Variants in OR9Q1 observed in about 807,000 individuals in gnomAD.
OR9Q1 encodes olfactory receptor family 9 subfamily Q member 1, also known as olfactory receptor 9Q1.
For missense variants in OR9Q1, 374 were observed against 378.8 expected (o/e 0.99, Z 0.11); for synonymous variants, 153 against 148.6 (o/e 1.03, Z -0.22).
At chr11:58,053,614 T>A (rs1473483337) in intron 1 of OR9Q1, among the ~76,000 whole-genome samples, 11 of 104,004 alleles carry the variant, frequency 1.1e-4, no homozygotes, top group African/African-American at 3.2e-4. Context: ...AATTAAAAAA[T>A]ATATATATAT....
intron 2 of OR9Q1, among the ~76,000 whole-genome samples, chr11:58,101,013 A>G (rs1853778356): frequency 6.6e-6 from 1 of 152,110 alleles, no homozygotes; most frequent in African/African-American, 2.4e-5. Flanking sequence ...TCAGAACCTG[A>G]GAAGTGTAGT....
intron 2 of OR9Q1, among the ~76,000 whole-genome samples, chr11:58,142,818 T>C (rs1297673909): frequency 6.6e-6 from 1 of 152,080 alleles, no homozygotes. Flanking sequence ...GTTAATGAGT[T>C]TTGCAGGCTA....
At chr11:58,126,751 A>G (rs1854094080) in intron 2 of OR9Q1, among the ~76,000 whole-genome samples, 1 of 152,152 alleles carries the variant, frequency 6.6e-6, no homozygotes, top group South Asian at 2.1e-4. Flanking sequence ...CTGGAATGGT[A>G]TAGAAGGTAG....
rs1346242418 is a variant in OR9Q1, at chr11:58,053,468, G to A, written c.-92-2402G>A. 3.4e-4 allele frequency among the ~76,000 whole-genome samples: 42 copies of A among 124,166 alleles called. No homozygotes were observed. The South Asian group carries it at 9.3e-3, about 28-fold the overall frequency. 81.5% of individuals were successfully genotyped at this position (124,166 alleles called of 152,430 possible). A position where few individuals can be genotyped will look rare whatever the true frequency, so the allele number is the denominator to read the frequency against. ...TGTTGTGGGGTGGGGGGAGGGGGGA[G>A]GGATAGCATTAGGAGATATACCTAA... On this transcript the variant is annotated intron_variant, in intron 1 of 2. Transcript: ENST00000335397.
rs541100746 is a variant in OR9Q1 at position 58,123,930 on chromosome 11, C to A, written c.-14-55501C>A. 3.9e-4 allele frequency among the ~76,000 whole-genome samples: 60 copies of A among 152,182 alleles called. No individual in the cohort carries two copies. The South Asian group carries it at 0.012, about 31-fold the overall frequency. ...TGAGAGAGACTTAGTTGGACCATAT[C>A]CCTCTTGATATACCCTTGGAAAACT... On this transcript the variant is annotated intron_variant, in intron 2 of 2. Transcript: ENST00000335397.
chr11:58,056,742 A>G (rs1853332134), intron 2 of OR9Q1, among the ~76,000 whole-genome samples: 1 of 152,122 alleles, frequency 6.6e-6, no homozygotes, highest in South Asian at 2.1e-4. Flanking sequence ...ATTAGTTGCT[A>G]CTTTTCAAGA....
chr11:58,079,249 T>TA (rs1244661681), intron 2 of OR9Q1, among the ~76,000 whole-genome samples: 3 of 151,384 alleles, frequency 2.0e-5, no homozygotes, highest in Non-Finnish European at 3.0e-5. Flanking sequence ...TCTGAGTCTT[T>TA]TTTTTTTTTT....
intron 2 of OR9Q1, among the ~76,000 whole-genome samples, chr11:58,130,672 A>G (rs1854132668): frequency 6.6e-6 from 1 of 152,030 alleles, no homozygotes. Flanking sequence ...AAGAAGAAAA[A>G]TTAGCCAGGT....
chr11:58,091,472 C>G (rs1853683693), intron 2 of OR9Q1, among the ~76,000 whole-genome samples: 1 of 152,072 alleles, frequency 6.6e-6, no homozygotes, highest in South Asian at 2.1e-4. Flanking sequence ...TTTTCTTAAT[C>G]CTGAGTTCTA....
chr11:58,153,502 T>C (rs975028678), intron 2 of OR9Q1, among the ~76,000 whole-genome samples: 8 of 151,622 alleles, frequency 5.3e-5, no homozygotes, highest in South Asian at 2.1e-4. Context: ...TCATGCTCTA[T>C]AGGAGCAATG....
At chr11:58,135,013 C>T (rs1376135257) in intron 2 of OR9Q1, among the ~76,000 whole-genome samples, 5 of 152,288 alleles carry the variant, frequency 3.3e-5, no homozygotes, top group Admixed American at 6.5e-5. Context: ...TTGTTGAACA[C>T]TCAATATGTC....
At chr11:58,164,799 G>T (rs1854486462) in intron 2 of OR9Q1, among the ~76,000 whole-genome samples, 1 of 152,154 alleles carries the variant, frequency 6.6e-6, no homozygotes, top group Non-Finnish European at 1.5e-5. Flanking sequence ...TCGCATGCTT[G>T]TTTTTTCTGC....
chr11:58,098,394 A>T (rs1414745005), intron 2 of OR9Q1, among the ~76,000 whole-genome samples: 2 of 152,196 alleles, frequency 1.3e-5, no homozygotes, highest in Non-Finnish European at 2.9e-5. Context: ...TGCTAGTTAC[A>T]ATATCTCATA....
rs549355196 is a variant in OR9Q1 at position 58,177,785 on chromosome 11, C to T, written c.-14-1646C>T. Among the ~76,000 whole-genome samples the T allele has an allele frequency of 1.8e-4, 27 of 152,320 alleles. No homozygotes were observed. In the East Asian group the frequency reaches 3.1e-3, roughly 17 times the overall value. On this transcript the variant is annotated intron_variant, in intron 2 of 2. Transcript: ENST00000335397. ...GCACATTTCCCTTTGCAAGGTGCCT[C>T]ATATATTATTTGGTAACTTTATTCC...
At chr11:58,148,579 A>G (rs948381037) in intron 2 of OR9Q1, among the ~76,000 whole-genome samples, 1 of 152,152 alleles carries the variant, frequency 6.6e-6, no homozygotes, top group African/African-American at 2.4e-5. Context: ...CACCATCCCC[A>G]TGGTTCTCCC....
At chr11:58,095,514 G>A (rs1275964819) in intron 2 of OR9Q1, among the ~76,000 whole-genome samples, 1 of 152,220 alleles carries the variant, frequency 6.6e-6, no homozygotes, top group African/African-American at 2.4e-5. Flanking sequence ...AGTTCTGCAT[G>A]GCTGGGGAGG....
chr11:58,087,727 CCT>C (rs1206669979), intron 2 of OR9Q1, among the ~76,000 whole-genome samples: 2 of 151,630 alleles, frequency 1.3e-5, no homozygotes, highest in Non-Finnish European at 2.9e-5. Flanking sequence ...CCCCCCACCC[CCT>C]GACAGGCCCC....
intron 1 of OR9Q1, chr11:58,031,618 TG>T: frequency 1.2e-6 from 2 of 1,611,570 alleles, no homozygotes; most frequent in Non-Finnish European, 1.7e-6. Context: ...CTGTGTCCTA[TG>T]GCAACATCGT....
intron 2 of OR9Q1, among the ~76,000 whole-genome samples, chr11:58,130,500 C>T (rs137990092): frequency 2.4e-4 from 36 of 152,180 alleles, no homozygotes; most frequent in African/African-American, 8.4e-4. Context: ...AATAAAAGTG[C>T]CCTTTTCCTG....
Sources: allele counts gnomAD v4.1 joint callset (sites outside exome capture counted in the v4.1 genomes callset), GRCh38; gene constraint gnomAD v4.1.1; transcripts MANE v1.5; gene names NCBI Gene and HGNC (gene_info 2026-07-23, HGNC 2026-07-21).